Variants in HCN1 observed in about 807,000 individuals in gnomAD.
HCN1 encodes the protein potassium/sodium hyperpolarization-activated cyclic nucleotide-gated channel 1.
A neutral mutation model predicts 78.9 loss-of-function variants in HCN1; 13 were observed. The observed-to-expected ratio is 0.16, with a 90% CI of 0.11 to 0.26. The LOEUF (loss-of-function observed/expected upper bound fraction) is 0.26, where lower values mean the gene tolerates loss of function less well. Among genes scored for constraint, HCN1 ranks in the 10% least tolerant of loss-of-function variants. HCN1 has a pLI of 1.00. For missense variants in HCN1, 810 were observed against 1,154.3 expected, an observed-to-expected ratio of 0.70 and a Z score of 4.32; for synonymous variants, 552 against 455.5, an observed-to-expected ratio of 1.21 and a Z score of -2.70.
intron 2 of HCN1, among the ~76,000 whole-genome samples, chr5:45,561,092 C>G (rs1253728148): frequency 6.6e-6 from 1 of 151,890 alleles, no homozygotes; most frequent in Non-Finnish European, 1.5e-5. Context: ...AAATGTCATG[C>G]CTTCTTAATT....
rs184919524 is a variant in HCN1, at chr5:45,522,699, C to T, written c.850-60692G>A. Reference sequence around the variant, plus strand: ...AAAAAATATCTTTTGGAAACGACAACTCTGCTTTGAATTGACAACATAGAC... The same window carrying T: ...AAAAAATATCTTTTGGAAACGACAATTCTGCTTTGAATTGACAACATAGAC... On this transcript the variant is annotated intron_variant, in intron 2 of 7. Transcript: ENST00000303230. 6.7e-3 allele frequency among the ~76,000 whole-genome samples: 1,011 copies of T among 150,754 alleles called. 7 individuals carry two copies. Among genetic ancestry groups the T allele is most frequent in the African/African-American group, 0.024 (968 of 40,980 alleles).
At chr5:45,419,496 A>T (rs1740184672) in intron 3 of HCN1, among the ~76,000 whole-genome samples, 1 of 152,182 alleles carries the variant, frequency 6.6e-6, no homozygotes. Context: ...CTAATAAGAC[A>T]GTGTTTCTGT....
chr5:45,503,474 T>A (rs1263263988), intron 2 of HCN1, among the ~76,000 whole-genome samples: 1 of 152,122 alleles, frequency 6.6e-6, no homozygotes, highest in East Asian at 1.9e-4. Context: ...TTAAAATGTA[T>A]CTTTAATTCT....
chr5:45,602,274 CTAAAT>C (rs956444041), intron 2 of HCN1, among the ~76,000 whole-genome samples: 7 of 152,002 alleles, frequency 4.6e-5, no homozygotes, highest in African/African-American at 1.7e-4. Flanking sequence ...GAAGAAGTAA[CTAAAT>C]TAAAATGAAA....
At chr5:45,672,607 A>T (rs1322844863) in intron 1 of HCN1, among the ~76,000 whole-genome samples, 2 of 151,214 alleles carry the variant, frequency 1.3e-5, no homozygotes, top group Non-Finnish European at 3.0e-5. Flanking sequence ...GCCTGAAAAG[A>T]CTTGCTTGTT....
At chr5:45,442,420 G>C (rs562383766) in intron 3 of HCN1, among the ~76,000 whole-genome samples, 145 of 152,086 alleles carry the variant, frequency 9.5e-4, no homozygotes, top group Non-Finnish European at 1.6e-3. Context: ...CTGAGGGCCT[G>C]CTGGCTCTAA....
chr5:45,338,256 T>C (rs891043467), intron 5 of HCN1, among the ~76,000 whole-genome samples: 23 of 152,174 alleles, frequency 1.5e-4, no homozygotes. Flanking sequence ...AATGAAGGTA[T>C]GACCTATTCC....
intron 4 of HCN1, among the ~76,000 whole-genome samples, chr5:45,360,694 T>C (rs1747091758): frequency 6.6e-6 from 1 of 152,110 alleles, no homozygotes; most frequent in African/African-American, 2.4e-5. Context: ...TTAAGTCACA[T>C]AGTCTTTACA....
chr5:45,328,961 T>G (rs995159517), intron 5 of HCN1, among the ~76,000 whole-genome samples: 1 of 151,640 alleles, frequency 6.6e-6, no homozygotes, highest in Non-Finnish European at 1.5e-5. Flanking sequence ...TATTTAGTGT[T>G]GTGGAGGAAG....
chr5:45,417,821 A>C (rs962753234), intron 3 of HCN1, among the ~76,000 whole-genome samples: 16 of 151,262 alleles, frequency 1.1e-4, no homozygotes, highest in Admixed American at 4.0e-4. Flanking sequence ...GGAAAATTTC[A>C]ATCCTCCAAA....
intron 4 of HCN1, among the ~76,000 whole-genome samples, chr5:45,360,918 T>G (rs1395609463): frequency 6.6e-6 from 1 of 152,122 alleles, no homozygotes; most frequent in Non-Finnish European, 1.5e-5. Flanking sequence ...AAAACATAGA[T>G]TTTTCTATGG....
At chr5:45,682,089 A>C (rs1004846775) in intron 1 of HCN1, among the ~76,000 whole-genome samples, 4 of 151,926 alleles carry the variant, frequency 2.6e-5, no homozygotes, top group Non-Finnish European at 5.9e-5. Flanking sequence ...GTGAAAAGAC[A>C]GCCATTTGTG....
intron 2 of HCN1, among the ~76,000 whole-genome samples, chr5:45,591,118 T>C (rs184255409): frequency 2.4e-4 from 36 of 152,274 alleles, no homozygotes; most frequent in Admixed American, 1.8e-3. Context: ...TTCTTTTTAG[T>C]GCTGAATAAT....
At chr5:45,294,458 C>G (rs1284878866) in intron 6 of HCN1, among the ~76,000 whole-genome samples, 1 of 151,556 alleles carries the variant, frequency 6.6e-6, no homozygotes, top group Non-Finnish European at 1.5e-5. Context: ...ATAAAAAGAA[C>G]TTATGGGACA....
chr5:45,630,224 A>G (rs1745247531), intron 2 of HCN1, among the ~76,000 whole-genome samples: 1 of 152,170 alleles, frequency 6.6e-6, no homozygotes, highest in Non-Finnish European at 1.5e-5. Context: ...CAAAACTAGT[A>G]TATACCAGTT....
chr5:45,343,441 A>G (rs1167768246), intron 5 of HCN1, among the ~76,000 whole-genome samples: 1 of 152,200 alleles, frequency 6.6e-6, no homozygotes, highest in Non-Finnish European at 1.5e-5. Flanking sequence ...AGTTTAGGAC[A>G]ATGGCAGTGG....
intron 1 of HCN1, among the ~76,000 whole-genome samples, chr5:45,693,617 A>G (rs1739954314): frequency 6.6e-6 from 1 of 152,118 alleles, no homozygotes; most frequent in South Asian, 2.1e-4. Context: ...TTAAAGAGAT[A>G]TTTTGTCTCA....
chr5:45,665,249 G>C (rs1197460528), intron 1 of HCN1, among the ~76,000 whole-genome samples: 1 of 145,098 alleles, frequency 6.9e-6, no homozygotes, highest in African/African-American at 2.6e-5. Context: ...ATTGAACAAT[G>C]AGAACACATG....
chr5:45,294,833 C>A (rs1745455795), intron 6 of HCN1, among the ~76,000 whole-genome samples: 1 of 152,150 alleles, frequency 6.6e-6, no homozygotes, highest in South Asian at 2.1e-4. Flanking sequence ...AATAATCATG[C>A]CCCTCTTAAG....
Sources: allele counts gnomAD v4.1 joint callset (sites outside exome capture counted in the v4.1 genomes callset), GRCh38; gene constraint gnomAD v4.1.1; transcripts MANE v1.5; gene names NCBI Gene and HGNC (gene_info 2026-07-23, HGNC 2026-07-21).